The following SUSD5 variants were observed in gnomAD, a reference collection of about 807,000 sequenced individuals.
SUSD5 encodes the protein sushi domain containing 5, also known as sushi domain-containing protein 5.
Under a neutral mutation model 29.5 loss-of-function variants are expected in SUSD5, and 33 were observed. The observed-to-expected ratio is 1.12, with a 90% CI of 0.85 to 1.49. SUSD5 has a LOEUF of 1.49. Among genes scored for constraint, SUSD5 ranks in the 40% most tolerant of loss-of-function variants. The pLI is 0.00. For synonymous variants in SUSD5, 308 were observed against 325.3 expected (o/e 0.95, Z 0.57); for missense variants, 776 against 800.6 (o/e 0.97, Z 0.37).
At chr3:33,215,222 T>G (rs913108581) in intron 1 of SUSD5, among the ~76,000 whole-genome samples, 8 of 152,054 alleles carry the variant, frequency 5.3e-5, no homozygotes, top group Non-Finnish European at 1.2e-4. Flanking sequence ...TGAGGAAATT[T>G]TAAACTACTA....
Position 33,204,066 on chromosome 3 carries a change from A to C in SUSD5, c.409+3742T>G, listed in dbSNP as rs2032168502. On this transcript the variant is annotated intron_variant, in intron 3 of 4. Coordinates refer to ENST00000309558, the MANE Select transcript of SUSD5 (RefSeq NM_015551.2). The surrounding 1 kb of genome is among the most constrained non-coding windows in gnomAD (Gnocchi z 4.5). ...AGTAGCTGGGAATACAGGGTGCGCCACCATGCCTGGCTAATTTTTTTTATT... is the reference window on the plus strand; with the variant it reads ...AGTAGCTGGGAATACAGGGTGCGCCCCCATGCCTGGCTAATTTTTTTTATT... Among the ~76,000 whole-genome samples, 1 of 151,764 alleles carries C rather than the reference A, an allele frequency of 6.6e-6. No homozygotes were observed. Among genetic ancestry groups the C allele is most frequent in the Non-Finnish European group, 1.5e-5 (1 of 67,958 alleles).
At position 33,152,353 on chromosome 3, in the gene SUSD5, G is replaced by C. The variant is rs1178404299; in HGVS notation, c.*389C>G. ...GAGAATTGCTTGAACTTGGGAGGCA[G>C]AGGTTGCAGTGAGCTCAGATCGGGA... On this transcript the variant is annotated 3_prime_UTR_variant, in exon 5 of 5. Coordinates refer to ENST00000309558, the MANE Select transcript of SUSD5 (RefSeq NM_015551.2). The C allele has an allele frequency of 1.8e-5, 3 of 163,122 alleles. No homozygotes were observed. The highest frequency in any genetic ancestry group is 7.2e-5 in the African/African-American group (3 of 41,668). 10.1% of individuals were successfully genotyped at this position (163,122 alleles called of 1,614,324 possible).
intron 3 of SUSD5, among the ~76,000 whole-genome samples, chr3:33,188,230 T>C (rs2031819538): frequency 6.6e-6 from 1 of 152,200 alleles, no homozygotes; most frequent in Admixed American, 6.5e-5. Context: ...TTGACTTTCA[T>C]CTTGACCTTT....
rs565515048 is a variant in SUSD5, at chr3:33,193,681, C to T, written c.409+14127G>A. Among the ~76,000 whole-genome samples the T allele has an allele frequency of 3.9e-5, 6 of 152,118 alleles. No homozygotes were observed. In the East Asian group the frequency reaches 1.2e-3, roughly 29 times the overall value. ...TGAGGGGAGATGAGGGTGAAACCAC[C>T]TTTGCAAAAAGTATGACAATGAGAA... is the stretch of plus-strand genomic sequence containing the variant. On this transcript the variant is annotated intron_variant, in intron 3 of 4. Coordinates refer to ENST00000309558, the MANE Select transcript of SUSD5 (RefSeq NM_015551.2).
chr3:33,161,806 G>C (rs11706300), intron 4 of SUSD5, among the ~76,000 whole-genome samples: 2 of 151,598 alleles, frequency 1.3e-5, no homozygotes, highest in African/African-American at 4.9e-5. Flanking sequence ...AAAATTGTAT[G>C]TACTTAATAA....
At chr3:33,192,163 TC>T (rs1158147165) in intron 3 of SUSD5, among the ~76,000 whole-genome samples, 1 of 151,452 alleles carries the variant, frequency 6.6e-6, no homozygotes, top group East Asian at 2.0e-4. Flanking sequence ...AACCTCCACA[TC>T]CCAGGTTCAA....
In SUSD5 at chr3:33,168,690, C is replaced by T. The variant is rs570827826; in HGVS notation, c.598+6196G>A. 2.5e-4 allele frequency: 171 copies of T among 686,016 alleles called. 1 individual carries two copies. Among genetic ancestry groups the T allele is most frequent in the Non-Finnish European group, 3.1e-5 (17 of 556,764 alleles). The allele number at this position is 686,016 out of a possible 1,614,324, so 42.5% of individuals were successfully genotyped here. A position where few individuals can be genotyped will look rare whatever the true frequency, so the allele number is the denominator to read the frequency against. The stretch of plus-strand genomic sequence containing the variant: ...TTTGAGACAGAATCTCACTCCGTTG[C>T]CCAGGCTGGAGTGCAGTGGGGTGAT... On this transcript the variant is annotated intron_variant, in intron 4 of 4. Transcript: ENST00000309558.
intron 2 of SUSD5, among the ~76,000 whole-genome samples, chr3:33,208,752 C>T (rs1176042850): frequency 6.6e-6 from 1 of 152,100 alleles, no homozygotes. Flanking sequence ...TGTATTATTA[C>T]TTTTATCATC....
At chr3:33,195,159 C>T (rs566491456) in intron 3 of SUSD5, among the ~76,000 whole-genome samples, 35 of 152,342 alleles carry the variant, frequency 2.3e-4, no homozygotes, top group African/African-American at 7.7e-4. Flanking sequence ...TGTGCCACTG[C>T]ACTCCAGCCT....
rs56147482 is a variant in SUSD5, at chr3:33,204,562, A to C, written c.409+3246T>G. Among the ~76,000 whole-genome samples the C allele has an allele frequency of 0.12, 18,530 of 151,760 alleles. 1,230 individuals are homozygous for C. Among genetic ancestry groups the C allele is most frequent in the East Asian group, 0.18 (915 of 5,142 alleles). On this transcript the variant is annotated intron_variant, in intron 3 of 4. Coordinates refer to ENST00000309558, the MANE Select transcript of SUSD5 (RefSeq NM_015551.2). The surrounding 1 kb of genome is among the most constrained non-coding windows in gnomAD (Gnocchi z 4.5). ...GGTCTCGATCTCCTGACCTCGTGATACACCCACCTCGGCCTCCCAAAGTGC... is the reference window on the plus strand; with the variant it reads ...GGTCTCGATCTCCTGACCTCGTGATCCACCCACCTCGGCCTCCCAAAGTGC...
At chr3:33,201,522 A>T (rs1028989462) in intron 3 of SUSD5, among the ~76,000 whole-genome samples, 1 of 152,216 alleles carries the variant, frequency 6.6e-6, no homozygotes, top group African/African-American at 2.4e-5. Flanking sequence ...GACACTTGGC[A>T]TTCGTGGAAG....
At chr3:33,202,174 C>T (rs554194755) in intron 3 of SUSD5, among the ~76,000 whole-genome samples, 2 of 152,158 alleles carry the variant, frequency 1.3e-5, no homozygotes, top group Non-Finnish European at 2.9e-5. Flanking sequence ...TGACTGACAG[C>T]AGGTCCATGG....
intron 4 of SUSD5, among the ~76,000 whole-genome samples, chr3:33,169,951 T>C (rs2031389948): frequency 6.6e-6 from 1 of 151,778 alleles, no homozygotes; most frequent in South Asian, 2.1e-4. Flanking sequence ...AGAGTCTCGC[T>C]CTATCACCCA....
At chr3:33,158,994 C>A (rs1285539266) in intron 4 of SUSD5, among the ~76,000 whole-genome samples, 1 of 152,238 alleles carries the variant, frequency 6.6e-6, no homozygotes, top group Non-Finnish European at 1.5e-5. Flanking sequence ...TGTCATTTCC[C>A]ATTCTTGCTT....
At chr3:33,218,069 G>T (rs1298882192) in intron 1 of SUSD5, among the ~76,000 whole-genome samples, 1 of 152,186 alleles carries the variant, frequency 6.6e-6, no homozygotes, top group Non-Finnish European at 1.5e-5. Context: ...GCCATAATCT[G>T]GCCCTTGCCC....
chr3:33,184,997 A>G (rs539162228), intron 3 of SUSD5, among the ~76,000 whole-genome samples: 8 of 152,216 alleles, frequency 5.3e-5, no homozygotes, highest in Non-Finnish European at 1.0e-4. Flanking sequence ...TGATGTTCTG[A>G]GCAAAAGCCA....
chr3:33,158,216 G>C (rs2031098030), intron 4 of SUSD5, among the ~76,000 whole-genome samples: 1 of 152,200 alleles, frequency 6.6e-6, no homozygotes, highest in South Asian at 2.1e-4. Flanking sequence ...GAGGACTATA[G>C]GCCCACTTCT....
At chr3:33,180,002 T>C (rs1479261373) in intron 3 of SUSD5, among the ~76,000 whole-genome samples, 2 of 152,238 alleles carry the variant, frequency 1.3e-5, no homozygotes, top group Non-Finnish European at 2.9e-5. Context: ...GCCAACTGTA[T>C]AAAAGTATAG....
chr3:33,201,096 A>C (rs2032108474), intron 3 of SUSD5, among the ~76,000 whole-genome samples: 1 of 152,236 alleles, frequency 6.6e-6, no homozygotes, highest in Non-Finnish European at 1.5e-5. Context: ...CTTTCTAAAA[A>C]GGCAAATAAC....
Sources: allele counts gnomAD v4.1 joint callset (sites outside exome capture counted in the v4.1 genomes callset), GRCh38; gene constraint gnomAD v4.1.1; non-coding constraint Gnocchi (gnomAD v3.1); transcripts MANE v1.5; gene names NCBI Gene and HGNC (gene_info 2026-07-23, HGNC 2026-07-21).